CSMD1: variants seen among roughly 807,000 people sequenced by gnomAD.
The protein encoded by CSMD1 is CUB and sushi domain-containing protein 1.
Under a neutral mutation model 417.5 loss-of-function variants are expected in CSMD1, and 213 were observed. That is an observed-to-expected ratio of 0.51 (90% CI 0.46 to 0.57). The LOEUF (loss-of-function observed/expected upper bound fraction) is 0.57, where lower values mean the gene tolerates loss of function less well. Ranked by LOEUF, CSMD1 falls within the 20% of genes least tolerant of loss-of-function variation. CSMD1 has a pLI of 0.00. For missense variants in CSMD1, 6,923 were observed against 4,529.7 expected, an observed-to-expected ratio of 1.53 and a Z score of -15.17; for synonymous variants, 2,862 against 1,736.8, an observed-to-expected ratio of 1.65 and a Z score of -16.11.
chr8:4,816,612 C>T (rs1224381119), intron 1 of CSMD1, among the ~76,000 whole-genome samples: 5 of 152,252 alleles, frequency 3.3e-5, no homozygotes, highest in African/African-American at 1.2e-4. Flanking sequence ...AGGAACCAGG[C>T]GAACCATGTG....
At chr8:4,398,624 T>C (rs893408288) in intron 3 of CSMD1, among the ~76,000 whole-genome samples, 5 of 152,098 alleles carry the variant, frequency 3.3e-5, no homozygotes, top group Admixed American at 3.3e-4. Flanking sequence ...CTCGATCTCC[T>C]GACCTCCTGA....
chr8:4,075,994 G>T (rs1799801304), intron 3 of CSMD1, among the ~76,000 whole-genome samples: 2 of 152,114 alleles, frequency 1.3e-5, no homozygotes, highest in Admixed American at 6.5e-5. Context: ...CTTTCTCTGG[G>T]AGGGTGGAGG....
intron 1 of CSMD1, among the ~76,000 whole-genome samples, chr8:4,901,846 T>C (rs111844961): frequency 1.1e-4 from 17 of 150,830 alleles, no homozygotes; most frequent in Middle Eastern, 6.8e-3. Flanking sequence ...GTGAGTAGCA[T>C]CATGATGATG....
intron 7 of CSMD1, among the ~76,000 whole-genome samples, chr8:3,651,817 G>C (rs1271555853): frequency 2.0e-5 from 3 of 150,084 alleles, no homozygotes; most frequent in African/African-American, 4.9e-5. Flanking sequence ...ACCACCATCA[G>C]AGCACCCACC....
At chr8:3,395,845 T>A (rs187701582) in intron 17 of CSMD1, among the ~76,000 whole-genome samples, 1 of 152,166 alleles carries the variant, frequency 6.6e-6, no homozygotes, top group Non-Finnish European at 1.5e-5. Flanking sequence ...TAACATAATT[T>A]TAGTAATATA....
chr8:4,689,774 G>A (rs1021654052), intron 1 of CSMD1, among the ~76,000 whole-genome samples: 2 of 152,162 alleles, frequency 1.3e-5, no homozygotes, highest in Non-Finnish European at 2.9e-5. Flanking sequence ...TAAAATGATG[G>A]TGGTTTAGGC....
intron 21 of CSMD1, among the ~76,000 whole-genome samples, chr8:3,351,044 T>C (rs751405082): frequency 6.6e-6 from 1 of 152,184 alleles, no homozygotes; most frequent in African/African-American, 2.4e-5. Context: ...ACTTCCCAAA[T>C]CTCACTTTAT....
chr8:4,292,593 T>A (rs985280551), intron 3 of CSMD1, among the ~76,000 whole-genome samples: 4 of 152,192 alleles, frequency 2.6e-5, no homozygotes, highest in South Asian at 4.1e-4. Context: ...AACAACCCAC[T>A]ATAAGATTAA....
chr8:4,681,070 A>T (rs1053533642), intron 1 of CSMD1, among the ~76,000 whole-genome samples: 1 of 152,044 alleles, frequency 6.6e-6, no homozygotes, highest in Non-Finnish European at 1.5e-5. Context: ...AACTTGCATT[A>T]TGGCTACGTA....
At chr8:4,819,491 C>A (rs991371047) in intron 1 of CSMD1, among the ~76,000 whole-genome samples, 1 of 152,090 alleles carries the variant, frequency 6.6e-6, no homozygotes, top group Non-Finnish European at 1.5e-5. Flanking sequence ...TACATATATG[C>A]TATATAGGAC....
At chr8:4,474,287 T>C in intron 2 of CSMD1, among the ~76,000 whole-genome samples, 1 of 152,078 alleles carries the variant, frequency 6.6e-6, no homozygotes, top group African/African-American at 2.4e-5. Flanking sequence ...TTCAGCAAGG[T>C]GACAGATTAA....
intron 18 of CSMD1, among the ~76,000 whole-genome samples, chr8:3,369,717 C>G (rs1809828917): frequency 6.6e-6 from 1 of 152,170 alleles, no homozygotes; most frequent in Non-Finnish European, 1.5e-5. Context: ...TTCAAATCCC[C>G]TCAACAAACC....
At chr8:4,301,608 A>C (rs1340993562) in intron 3 of CSMD1, among the ~76,000 whole-genome samples, 2 of 152,240 alleles carry the variant, frequency 1.3e-5, no homozygotes, top group Non-Finnish European at 2.9e-5. Flanking sequence ...GTATAAGCTG[A>C]ACCAGTCATC....
At chr8:3,737,278 C>G (rs1160595086) in intron 6 of CSMD1, among the ~76,000 whole-genome samples, 1 of 152,110 alleles carries the variant, frequency 6.6e-6, no homozygotes, top group East Asian at 1.9e-4. Context: ...GTTTATCTTG[C>G]TAAAGTAAAT....
chr8:2,964,491 G>T (rs1803781464), intron 59 of CSMD1, among the ~76,000 whole-genome samples: 1 of 152,184 alleles, frequency 6.6e-6, no homozygotes. Context: ...GTTCAAGGAG[G>T]GACAGAGAGA....
chr8:4,515,039 C>G (rs533299226), intron 2 of CSMD1, among the ~76,000 whole-genome samples: 16 of 152,196 alleles, frequency 1.1e-4, no homozygotes, highest in African/African-American at 3.9e-4. Flanking sequence ...GAAGCACTTT[C>G]AGAACTACAC....
chr8:4,092,084 G>A (rs997421275), intron 3 of CSMD1, among the ~76,000 whole-genome samples: 3 of 152,202 alleles, frequency 2.0e-5, no homozygotes, highest in Non-Finnish European at 2.9e-5. Context: ...AGAAGCTTAA[G>A]AGGGACGTAA....
chr8:4,790,594 A>G (rs1797637168), intron 1 of CSMD1, among the ~76,000 whole-genome samples: 1 of 152,336 alleles, frequency 6.6e-6, no homozygotes. Flanking sequence ...CAACCAAGCT[A>G]CAGTAACTAA....
intron 3 of CSMD1, among the ~76,000 whole-genome samples, chr8:4,077,581 C>G (rs1473882225): frequency 6.6e-6 from 1 of 152,028 alleles, no homozygotes; most frequent in Non-Finnish European, 1.5e-5. Flanking sequence ...CTATGCCTAT[C>G]AAATTCCTCC....
Sources: gnomAD v4.1 joint callset for allele counts (sites outside exome capture counted in the v4.1 genomes callset) on GRCh38, gnomAD v4.1.1 for gene constraint, MANE v1.5 for transcripts, NCBI Gene and HGNC (gene_info 2026-07-23, HGNC 2026-07-21) for gene names.